ERICH5: variants seen among roughly 807,000 people sequenced by gnomAD.
The protein encoded by ERICH5 is glutamate rich 5, also known as glutamate-rich protein 5.
Under a neutral mutation model 28.0 loss-of-function variants are expected in ERICH5, and 24 were observed. That is an observed-to-expected ratio of 0.86 (90% confidence interval 0.62 to 1.21). The LOEUF (loss-of-function observed/expected upper bound fraction) is 1.21, where lower values mean the gene tolerates loss of function less well. ERICH5 is among the 50% of genes most tolerant of loss of function. The pLI is 0.00. For missense variants in ERICH5, 421 were observed against 441.2 expected (o/e 0.95, Z 0.41); for synonymous variants, 163 against 157.6 (o/e 1.03, Z -0.25).
chr8:98,069,392 T>TAA (rs1814870141), intron 1 of ERICH5, among the ~76,000 whole-genome samples: 1 of 145,188 alleles, frequency 6.9e-6, no homozygotes, highest in Non-Finnish European at 1.5e-5. Context: ...TTTTTTTTTT[T>TAA]ATATATTCTT....
In ERICH5 at chr8:98,086,252, A is replaced by G. The variant is rs191398844; in HGVS notation, c.59-2824A>G. On this transcript the variant is annotated intron_variant, in intron 1 of 2. Transcript: ENST00000318528. ...GAAGCAGACAGACATGTGATAACTC[A>G]CTTAACATGCCAAGGAAAGCTTAAT... Among the ~76,000 whole-genome samples the G allele has an allele frequency of 9.8e-5, 15 of 152,326 alleles. No individual in the cohort carries two copies. The East Asian group carries it at 2.7e-3, about 27-fold the overall frequency.
chr8:98,075,930 G>T (rs566407732), intron 1 of ERICH5, among the ~76,000 whole-genome samples: 6 of 150,676 alleles, frequency 4.0e-5, no homozygotes, highest in African/African-American at 1.2e-4. Context: ...TTGACCATGG[G>T]CCTTTGTACT....
At chr8:98,072,318 T>A (rs1295661380) in intron 1 of ERICH5, among the ~76,000 whole-genome samples, 2 of 152,188 alleles carry the variant, frequency 1.3e-5, no homozygotes, top group African/African-American at 2.4e-5. Flanking sequence ...ATTCTGTGTA[T>A]GTCATGACAT....
chr8:98,070,214 G>A (rs1175849601), intron 1 of ERICH5, among the ~76,000 whole-genome samples: 1 of 152,066 alleles, frequency 6.6e-6, no homozygotes, highest in Non-Finnish European at 1.5e-5. Flanking sequence ...CTTGTAGTGT[G>A]GCCTTACACA....
chr8:98,091,900 C>CTTTCTTCCTTT, intron 2 of ERICH5, among the ~76,000 whole-genome samples: 4 of 74,676 alleles, frequency 5.4e-5, no homozygotes, highest in African/African-American at 2.2e-4. Flanking sequence ...TTCTTTCTTT[C>CTTTCTTCCTTT]CTTTCTTTCT....
At chr8:98,082,968 T>C (rs552980802) in intron 1 of ERICH5, among the ~76,000 whole-genome samples, 2 of 152,368 alleles carry the variant, frequency 1.3e-5, no homozygotes, top group East Asian at 1.9e-4. Flanking sequence ...TGGACACTTA[T>C]GACACCATCT....
chr8:98,089,428 G>A lies in ERICH5; in HGVS notation c.411G>A (p.Gly137=). 2 of 1,614,240 alleles carry A rather than the reference G, an allele frequency of 1.2e-6. No homozygotes were observed. The highest frequency in any genetic ancestry group is 1.1e-5 in the South Asian group (1 of 91,078). Residue 137 remains glycine, a synonymous_variant, in exon 2 of 3, where the codon GGG becomes GGA. Coordinates refer to ENST00000318528, the MANE Select transcript of ERICH5 (RefSeq NM_173549.3). ...GAAAGAAGAAAGATGCAGGAGCAGG[G>A]ACAGAGGCCGAGTCTCTAAAAGGAA... is the stretch of plus-strand genomic sequence containing the variant. ...AEGKKKDAGA[G]TEAESLKGNA...
intron 1 of ERICH5, among the ~76,000 whole-genome samples, chr8:98,067,926 G>A (rs1008942748): frequency 2.6e-5 from 4 of 151,890 alleles, no homozygotes; most frequent in Non-Finnish European, 5.9e-5. Flanking sequence ...ATTATTTAGG[G>A]ATAGAATAAT....
intron 2 of ERICH5, among the ~76,000 whole-genome samples, chr8:98,091,920 C>CCTTCCTTCCTTCCTTCCTTTCTT (rs1815409247): frequency 3.7e-5 from 1 of 26,768 alleles, no homozygotes; most frequent in African/African-American, 1.2e-4. Flanking sequence ...TTTCTTTCTT[C>CCTTCCTTCCTTCCTTCCTTTCTT]CTTTCTTTCT....
At chr8:98,081,927 TA>T (rs200498974) in intron 1 of ERICH5, among the ~76,000 whole-genome samples, 8,262 of 138,890 alleles carry the variant, frequency 0.059, 178 homozygotes, top group East Asian at 0.092. Flanking sequence ...AAACTTCGTC[TA>T]AAAAAAAAAA....
intron 1 of ERICH5, among the ~76,000 whole-genome samples, chr8:98,087,745 A>G (rs1815307903): frequency 6.6e-6 from 1 of 152,098 alleles, no homozygotes; most frequent in African/African-American, 2.4e-5. Flanking sequence ...GCATTACTTT[A>G]TTTGATCAAC....
chr8:98,075,385 C>G (rs1339073475), intron 1 of ERICH5, among the ~76,000 whole-genome samples: 1 of 152,154 alleles, frequency 6.6e-6, no homozygotes, highest in Non-Finnish European at 1.5e-5. Flanking sequence ...AATGTTTACA[C>G]CAGGAGGCTT....
intron 1 of ERICH5, among the ~76,000 whole-genome samples, chr8:98,082,123 A>G (rs1027396788): frequency 1.3e-5 from 2 of 152,214 alleles, no homozygotes; most frequent in Non-Finnish European, 2.9e-5. Flanking sequence ...AATATAAATT[A>G]CGAAGTAAAT....
intron 1 of ERICH5, among the ~76,000 whole-genome samples, chr8:98,074,352 G>A (rs1413679192): frequency 6.6e-6 from 1 of 151,370 alleles, no homozygotes; most frequent in South Asian, 2.1e-4. Flanking sequence ...AGGCTACCAG[G>A]TCTTCTTATT....
At chr8:98,067,768 A>C (rs1357758039) in intron 1 of ERICH5, among the ~76,000 whole-genome samples, 1 of 151,948 alleles carries the variant, frequency 6.6e-6, no homozygotes, top group Non-Finnish European at 1.5e-5. Context: ...GGCATGTGCC[A>C]CCACACTCGG....
chr8:98,091,993 C>CCTTCCTTCCTTCCTTCCTT (rs1815416855), intron 2 of ERICH5, among the ~76,000 whole-genome samples: 1 of 55,024 alleles, frequency 1.8e-5, no homozygotes, highest in African/African-American at 7.0e-5. Flanking sequence ...TCTCTCTCTC[C>CCTTCCTTCCTTCCTTCCTT]CCTTCCTTCC....
chr8:98,073,992 A>G (rs550019163), intron 1 of ERICH5, among the ~76,000 whole-genome samples: 11 of 149,352 alleles, frequency 7.4e-5, no homozygotes, highest in African/African-American at 2.5e-4. Context: ...ATCACAACTC[A>G]CTGAAGCCTC....
intron 2 of ERICH5, 28 bp from the exon 3 acceptor site, chr8:98,093,193 T>A (rs753403128): frequency 6.8e-7 from 1 of 1,467,446 alleles, no homozygotes; most frequent in Non-Finnish European, 9.5e-7. Context: ...TAAATGTCTC[T>A]TAGTATCTCC....
chr8:98,067,897 C>T (rs1038760121), intron 1 of ERICH5, among the ~76,000 whole-genome samples: 5 of 152,114 alleles, frequency 3.3e-5, no homozygotes, highest in African/African-American at 9.6e-5. Context: ...AGCCACCACG[C>T]GTGGCCTATA....
Sources: allele counts gnomAD v4.1 joint callset (sites outside exome capture counted in the v4.1 genomes callset), GRCh38; gene constraint gnomAD v4.1.1; transcripts MANE v1.5; gene names NCBI Gene and HGNC (gene_info 2026-07-23, HGNC 2026-07-21).